CSMD1: variants seen among roughly 807,000 people sequenced by gnomAD.
The protein encoded by CSMD1 is CUB and Sushi multiple domains 1, also known as CUB and sushi domain-containing protein 1.
In CSMD1, 213 loss-of-function variants were observed where a neutral mutation model predicts 417.5. The observed-to-expected ratio is 0.51, with a 90% confidence interval of 0.46 to 0.57. CSMD1 has a LOEUF of 0.57. Among genes scored for constraint, CSMD1 ranks in the 20% least tolerant of loss-of-function variants. The probability of loss-of-function intolerance (pLI) is 0.00; values close to 1 mark genes in which losing one functional copy is unlikely to be tolerated. For synonymous variants in CSMD1, 2,862 were observed against 1,736.8 expected, an observed-to-expected ratio of 1.65 and a Z score of -16.11; for missense variants, 6,923 against 4,529.7, an observed-to-expected ratio of 1.53 and a Z score of -15.17.
chr8:3,741,715 T>A (rs1334084800), intron 6 of CSMD1, among the ~76,000 whole-genome samples: 1 of 152,036 alleles, frequency 6.6e-6, no homozygotes, highest in Non-Finnish European at 1.5e-5. Context: ...CCTCTCTGAG[T>A]GCGCATTCTT....
chr8:4,886,237 G>A (rs1803730292), intron 1 of CSMD1, among the ~76,000 whole-genome samples: 1 of 151,966 alleles, frequency 6.6e-6, no homozygotes. Flanking sequence ...GCAAACCACT[G>A]CCTCGGCCTC....
At chr8:4,367,145 T>C (rs561424320) in intron 3 of CSMD1, among the ~76,000 whole-genome samples, 1 of 152,310 alleles carries the variant, frequency 6.6e-6, no homozygotes, top group East Asian at 1.9e-4. Context: ...ATGGTATTTC[T>C]TAGGTTGTTT....
chr8:3,332,483 A>G (rs2730041), intron 23 of CSMD1, among the ~76,000 whole-genome samples: 107,195 of 151,820 alleles, frequency 0.71, 38,001 homozygotes, highest in East Asian at 0.95. Context: ...GGGAAGATCG[A>G]GGCACATAAT....
At position 4,934,959 on chromosome 8, in the gene CSMD1, C is replaced by A. The variant is rs58680078; in HGVS notation, c.85+59373G>T. On this transcript the variant is annotated intron_variant, in intron 1 of 69. Transcript: ENST00000635120. The stretch of plus-strand genomic sequence containing the variant: ...TCATCTATTTAAATCCATCTACCTG[C>A]CTATATCTATCATCTATCAATCATC... Among the ~76,000 whole-genome samples the A allele has an allele frequency of 7.2e-5, 11 of 152,104 alleles. No individual in the cohort carries two copies. In the East Asian group the frequency reaches 1.9e-3, roughly 27 times the overall value.
At chr8:3,974,674 C>CT (rs35314971) in intron 5 of CSMD1, among the ~76,000 whole-genome samples, 2,643 of 147,622 alleles carry the variant, frequency 0.018, 28 homozygotes, top group Middle Eastern at 0.035. Context: ...GCGTGCAGCT[C>CT]TTTTTTTTTT....
chr8:3,536,157 A>G (rs538017427), intron 10 of CSMD1, among the ~76,000 whole-genome samples: 1 of 152,338 alleles, frequency 6.6e-6, no homozygotes, highest in African/African-American at 2.4e-5. Context: ...CTGTCATTAC[A>G]TAGGAGAGCA....
At chr8:3,971,033 G>C (rs762554759) in intron 5 of CSMD1, among the ~76,000 whole-genome samples, 3 of 152,164 alleles carry the variant, frequency 2.0e-5, no homozygotes, top group Non-Finnish European at 2.9e-5. Flanking sequence ...TTTTAGGCAT[G>C]AGTCACCGCG....
intron 6 of CSMD1, among the ~76,000 whole-genome samples, chr8:3,722,585 C>A (rs888049173): frequency 2.6e-5 from 4 of 152,142 alleles, no homozygotes; most frequent in African/African-American, 9.7e-5. Flanking sequence ...CCATTAATAA[C>A]TCACCTTAAA....
intron 2 of CSMD1, among the ~76,000 whole-genome samples, chr8:4,423,157 G>C (rs1797345704): frequency 6.6e-6 from 1 of 152,024 alleles, no homozygotes; most frequent in Non-Finnish European, 1.5e-5. Context: ...ATTTGAACAA[G>C]TCAAGAATGC....
In CSMD1 at chr8:4,106,147, T is replaced by C. The variant is rs367571981; in HGVS notation, c.416-74048A>G. Among the ~76,000 whole-genome samples, 204 of 152,174 alleles carry C rather than the reference T, an allele frequency of 1.3e-3. 1 individual carries two copies. The highest frequency in any genetic ancestry group is 4.7e-3 in the African/African-American group (196 of 41,498). ...AGTGACCATCGATTTATTACATGTT[T>C]CTCTGGTGAGTACAGACCAGCGTCT... On this transcript the variant is annotated intron_variant, in intron 3 of 69. Coordinates refer to ENST00000635120, the MANE Select transcript of CSMD1 (RefSeq NM_033225.6).
intron 1 of CSMD1, among the ~76,000 whole-genome samples, chr8:4,736,847 A>T (rs1032223818): frequency 1.3e-5 from 2 of 152,146 alleles, no homozygotes; most frequent in African/African-American, 4.8e-5. Context: ...GTAAGAAAAT[A>T]GCTCCTACCT....
intron 1 of CSMD1, among the ~76,000 whole-genome samples, chr8:4,834,944 C>G (rs6991841): frequency 0.86 from 98,710 of 115,374 alleles, 43,450 homozygotes; most frequent in East Asian, 0.98. Context: ...GCGACAGGGC[C>G]AGACTCCATC....
chr8:3,389,841 T>C (rs1055152231), intron 17 of CSMD1, among the ~76,000 whole-genome samples: 65 of 152,216 alleles, frequency 4.3e-4, no homozygotes, highest in African/African-American at 1.5e-3. Context: ...TCCAATATTA[T>C]GCCATAATAC....
intron 5 of CSMD1, among the ~76,000 whole-genome samples, chr8:3,802,376 T>G (rs1585021517): frequency 6.6e-6 from 1 of 152,178 alleles, no homozygotes; most frequent in East Asian, 1.9e-4. Context: ...ATAGAGATAT[T>G]TAATTGAAAG....
At chr8:4,365,210 A>G (rs1453890519) in intron 3 of CSMD1, among the ~76,000 whole-genome samples, 1 of 152,198 alleles carries the variant, frequency 6.6e-6, no homozygotes, top group Non-Finnish European at 1.5e-5. Flanking sequence ...TTGTCTATAT[A>G]TAAAAAAAGA....
intron 2 of CSMD1, among the ~76,000 whole-genome samples, chr8:4,525,729 C>T (rs1563256373): frequency 6.6e-6 from 1 of 152,130 alleles, no homozygotes; most frequent in South Asian, 2.1e-4. Flanking sequence ...GGTGTCACCT[C>T]GTCATCACAT....
At chr8:3,264,629 T>G (rs1177988314) in intron 26 of CSMD1, among the ~76,000 whole-genome samples, 1 of 152,230 alleles carries the variant, frequency 6.6e-6, no homozygotes, top group African/African-American at 2.4e-5. Context: ...CGAACTGCTT[T>G]TGTGTTTCTT....
chr8:4,206,516 C>G (rs958672750), intron 3 of CSMD1, among the ~76,000 whole-genome samples: 1 of 152,184 alleles, frequency 6.6e-6, no homozygotes, highest in African/African-American at 2.4e-5. Context: ...GACATGAACT[C>G]ATCCTTTTTT....
chr8:3,611,700 T>C (rs1044134573), intron 8 of CSMD1, among the ~76,000 whole-genome samples: 1 of 152,116 alleles, frequency 6.6e-6, no homozygotes, highest in African/African-American at 2.4e-5. Flanking sequence ...CCTAATGAAA[T>C]ACATGGTAAT....
Sources: allele counts gnomAD v4.1 joint callset (sites outside exome capture counted in the v4.1 genomes callset), GRCh38; gene constraint gnomAD v4.1.1; transcripts MANE v1.5; gene names NCBI Gene and HGNC (gene_info 2026-07-23, HGNC 2026-07-21).